Variants in PRELID2 observed in about 807,000 individuals in gnomAD.
PRELID2 encodes the protein PRELI domain containing 2.
A neutral mutation model predicts 28.4 loss-of-function variants in PRELID2; 25 were observed. The observed-to-expected ratio is 0.88, with a 90% CI of 0.64 to 1.23. The LOEUF (loss-of-function observed/expected upper bound fraction) is 1.23. Ranked by LOEUF, PRELID2 falls within the 50% of genes most tolerant of loss-of-function variation. PRELID2 has a pLI of 0.00. For missense variants in PRELID2, 201 were observed against 214.4 expected (o/e 0.94, Z 0.39); for synonymous variants, 76 against 71.6 (o/e 1.06, Z -0.31).
intron 2 of PRELID2, among the ~76,000 whole-genome samples, chr5:145,821,055 G>C (rs1249256352): frequency 6.6e-6 from 1 of 152,036 alleles, no homozygotes; most frequent in Non-Finnish European, 1.5e-5. Flanking sequence ...TCTATTAGAA[G>C]CGTGCCTTTG....
chr5:145,748,620 A>G (rs1465137808), intron 1 of PRELID2, among the ~76,000 whole-genome samples: 2 of 152,178 alleles, frequency 1.3e-5, no homozygotes, highest in African/African-American at 4.8e-5. Context: ...ATTAGAAAAA[A>G]CTACTTTAAA....
Position 145,662,654 on chromosome 5 carries a change from T to C in PRELID2, n.70+102277A>G, listed in dbSNP as rs141867227. ...AATGGGTTAATGGATTAATGGGTTG[T>C]CATAGGAGGGGAATTGGTGGCTTTA... On this transcript the variant is annotated intron_variant and non_coding_transcript_variant, in intron 1 of 2. Coordinates refer to the PRELID2 transcript ENST00000510259. Among the ~76,000 whole-genome samples, 767 of 152,158 alleles carry C rather than the reference T, an allele frequency of 5.0e-3. 6 individuals carry two copies. Among genetic ancestry groups the C allele is most frequent in the African/African-American group, 0.017 (718 of 41,510 alleles).
At chr5:145,386,275 A>T in the PRELID2 span, among the ~76,000 whole-genome samples, 1 of 151,996 alleles carries the variant, frequency 6.6e-6, no homozygotes, top group African/African-American at 2.4e-5. Flanking sequence ...AGGTGGAGGT[A>T]ACCACCCCCA....
the PRELID2 span, among the ~76,000 whole-genome samples, chr5:145,313,184 T>A: frequency 6.6e-6 from 1 of 152,164 alleles, no homozygotes; most frequent in Admixed American, 6.5e-5. Flanking sequence ...AATAAATATA[T>A]ATAAGGTAAC....
chr5:145,537,722 T>C (rs1752711817), intron 1 of PRELID2, among the ~76,000 whole-genome samples: 3 of 151,916 alleles, frequency 2.0e-5, no homozygotes. Flanking sequence ...TCATTATATA[T>C]TCATTCTAGA....
chr5:145,349,885 T>C, the PRELID2 span, among the ~76,000 whole-genome samples: 1 of 152,144 alleles, frequency 6.6e-6, no homozygotes, highest in Non-Finnish European at 1.5e-5. Context: ...ACTTGACAAA[T>C]ATTTATTTAG....
At chr5:145,659,840 C>T (rs1214581914) in intron 1 of PRELID2, among the ~76,000 whole-genome samples, 1 of 152,106 alleles carries the variant, frequency 6.6e-6, no homozygotes, top group African/African-American at 2.4e-5. Context: ...TAATTGAATA[C>T]TTACAATTTT....
At chr5:145,817,220 AATATAT>A (rs1188735131) in intron 4 of PRELID2, among the ~76,000 whole-genome samples, 1 of 66,512 alleles carries the variant, frequency 1.5e-5, no homozygotes, top group African/African-American at 4.1e-5. Context: ...AATAAAAAAA[AATATAT>A]ATATATATAT....
intron 1 of PRELID2, among the ~76,000 whole-genome samples, chr5:145,558,957 T>TA (rs1752903265): frequency 1.3e-5 from 2 of 152,070 alleles, no homozygotes; most frequent in South Asian, 4.1e-4. Flanking sequence ...TAAATATAAG[T>TA]AAAAAAGTGT....
chr5:145,531,863 A>G (rs1002268006), intron 1 of PRELID2, among the ~76,000 whole-genome samples: 1 of 152,144 alleles, frequency 6.6e-6, no homozygotes, highest in Admixed American at 6.5e-5. Flanking sequence ...TAGCTAATCC[A>G]CAAAGAACCT....
intron 1 of PRELID2, among the ~76,000 whole-genome samples, chr5:145,701,039 A>G (rs1316727959): frequency 6.6e-6 from 1 of 152,220 alleles, no homozygotes; most frequent in East Asian, 1.9e-4. Context: ...GTCAGGAGAT[A>G]TTAGGTGCCA....
intron 1 of PRELID2, among the ~76,000 whole-genome samples, chr5:145,524,779 G>A (rs1305535359): frequency 6.6e-6 from 1 of 152,152 alleles, no homozygotes; most frequent in East Asian, 1.9e-4. Context: ...ACAGTCATAG[G>A]ATTTGAGCAG....
intron 1 of PRELID2, among the ~76,000 whole-genome samples, chr5:145,681,005 A>T (rs374725982): frequency 1.8e-4 from 27 of 152,336 alleles, no homozygotes; most frequent in East Asian, 1.7e-3. Context: ...CGACCATGGC[A>T]ATTTGACAGC....
At chr5:145,385,056 C>T in the PRELID2 span, among the ~76,000 whole-genome samples, 4 of 152,028 alleles carry the variant, frequency 2.6e-5, no homozygotes, top group African/African-American at 9.6e-5. Context: ...TTTAGAGGGT[C>T]GATAGGAATG....
intron 1 of PRELID2, among the ~76,000 whole-genome samples, chr5:145,724,716 C>T (rs931313844): frequency 7.7e-6 from 1 of 130,170 alleles, no homozygotes; most frequent in Non-Finnish European, 1.6e-5. Context: ...ATACATATTA[C>T]ATATATAATA....
intron 1 of PRELID2, among the ~76,000 whole-genome samples, chr5:145,488,231 T>A (rs1408503266): frequency 6.6e-6 from 1 of 152,092 alleles, no homozygotes; most frequent in East Asian, 1.9e-4. Flanking sequence ...AAGTTCAAGA[T>A]GCTAGTGAGC....
chr5:145,765,866 A>G (rs1757721246), intron 5 of PRELID2, among the ~76,000 whole-genome samples: 1 of 152,140 alleles, frequency 6.6e-6, no homozygotes, highest in African/African-American at 2.4e-5. Flanking sequence ...GGAAACAGAA[A>G]CTCAAAGAGG....
At chr5:145,472,414 G>T (rs1752063393) in intron 2 of PRELID2, among the ~76,000 whole-genome samples, 1 of 152,050 alleles carries the variant, frequency 6.6e-6, no homozygotes, top group Admixed American at 6.6e-5. Flanking sequence ...TAGGTTAAGT[G>T]ACCTAGTTTA....
chr5:145,601,912 C>T (rs189718443), intron 1 of PRELID2, among the ~76,000 whole-genome samples: 135 of 152,256 alleles, frequency 8.9e-4, no homozygotes, highest in African/African-American at 3.2e-3. Context: ...AAGCTCATTC[C>T]TACTATGAAA....
Sources: gnomAD v4.1 joint callset for allele counts (sites outside exome capture counted in the v4.1 genomes callset) on GRCh38, gnomAD v4.1.1 for gene constraint, MANE v1.5 for transcripts, NCBI Gene and HGNC (gene_info 2026-07-23, HGNC 2026-07-21) for gene names.